Variants in SLC13A3 observed in about 807,000 individuals in gnomAD.
SLC13A3 encodes solute carrier family 13 member 3.
In SLC13A3, 40 loss-of-function variants were observed where a neutral mutation model predicts 59.0. The observed-to-expected ratio is 0.68, with a 90% CI of 0.53 to 0.88. The LOEUF is 0.88. Among genes scored for constraint, SLC13A3 ranks in the 40% least tolerant of loss-of-function variants. The pLI is 0.00. For missense variants in SLC13A3, 699 were observed against 783.2 expected, an observed-to-expected ratio of 0.89 and a Z score of 1.28; for synonymous variants, 317 against 330.3, an observed-to-expected ratio of 0.96 and a Z score of 0.44.
intron 10 of SLC13A3, among the ~76,000 whole-genome samples, chr20:46,572,121 C>T (rs943850577): frequency 6.6e-6 from 1 of 152,098 alleles, no homozygotes; most frequent in East Asian, 1.9e-4. Flanking sequence ...TGCTGAGGCT[C>T]AGAGTAAGCA....
intron 8 of SLC13A3, among the ~76,000 whole-genome samples, chr20:46,586,468 A>G (rs1351060111): frequency 6.6e-6 from 1 of 152,164 alleles, no homozygotes; most frequent in African/African-American, 2.4e-5. Context: ...AGCTGAGCCC[A>G]TTGATTCCTA....
At chr20:46,633,826 T>C (rs187260705) in intron 1 of SLC13A3, among the ~76,000 whole-genome samples, 198 of 152,346 alleles carry the variant, frequency 1.3e-3, no homozygotes, top group Non-Finnish European at 1.5e-4. Context: ...CAACTATCGA[T>C]TGAGGGCTTA....
intron 2 of SLC13A3, among the ~76,000 whole-genome samples, chr20:46,612,145 TTTG>T: frequency 6.8e-6 from 1 of 147,112 alleles, no homozygotes; most frequent in African/African-American, 2.5e-5. Context: ...TTTTTTTTTT[TTTG>T]AGACAGGGTC....
chr20:46,571,170 C>T (rs863673), intron 10 of SLC13A3, among the ~76,000 whole-genome samples: 105,330 of 152,032 alleles, frequency 0.69, 37,290 homozygotes, highest in Non-Finnish European at 0.78. Flanking sequence ...ACCGCCCCCA[C>T]GATTAAATTA....
At chr20:46,657,999 T>A (rs1266926150) in intron 1 of SLC13A3, among the ~76,000 whole-genome samples, 1 of 152,032 alleles carries the variant, frequency 6.6e-6, no homozygotes, top group Non-Finnish European at 1.5e-5. Flanking sequence ...ATCAAAACCA[T>A]CTCAGGGGGG....
At chr20:46,561,614 C>T (rs371230823) in intron 12 of SLC13A3, among the ~76,000 whole-genome samples, 11 of 151,324 alleles carry the variant, frequency 7.3e-5, no homozygotes, top group African/African-American at 2.2e-4. Context: ...TTGATGGATG[C>T]ACTGGAAACA....
chr20:46,625,320 C>A (rs1301310457), intron 1 of SLC13A3, among the ~76,000 whole-genome samples: 1 of 152,108 alleles, frequency 6.6e-6, no homozygotes, highest in Non-Finnish European at 1.5e-5. Context: ...TGAATTGAGA[C>A]CATGTTTGTG....
chr20:46,570,735 T>A lies in SLC13A3; in HGVS notation c.1333-4345A>T, dbSNP rs777980840. Among the ~76,000 whole-genome samples the A allele has an allele frequency of 4.6e-5, 7 of 152,284 alleles. No homozygotes were observed. The South Asian group carries it at 1.2e-3, about 27-fold the overall frequency. On this transcript the variant is annotated intron_variant, in intron 10 of 12. Coordinates refer to ENST00000279027, the MANE Select transcript of SLC13A3 (RefSeq NM_022829.6). ...CGAATCGTTGTGAAGTCAGGAACCA[T>A]CTGTACAATTATCTCCATTTTATGG...
rs140948936 is a variant in SLC13A3, at chr20:46,657,608, G to A, written c.-31+12435C>T. On this transcript the variant is annotated intron_variant, in intron 1 of 12. Transcript: ENST00000290317. ...TCATCCTCCATTAATATCTGAGGTG[G>A]GGGGAGTTGTTAGGCCGTTTCTGCA... Among the ~76,000 whole-genome samples the A allele has an allele frequency of 4.6e-5, 7 of 152,248 alleles. No individual in the cohort carries two copies. The East Asian group carries it at 9.7e-4, about 21-fold the overall frequency.
chr20:46,635,889 AATGCATTAGC>A (rs1351207567), intron 1 of SLC13A3, among the ~76,000 whole-genome samples: 1 of 152,204 alleles, frequency 6.6e-6, no homozygotes, highest in Non-Finnish European at 1.5e-5. Context: ...TGCTAATTCT[AATGCATTAGC>A]ATGCTAAAAG....
intron 1 of SLC13A3, among the ~76,000 whole-genome samples, chr20:46,632,909 A>ACAGATAGCTCTT (rs1470202390): frequency 0.11 from 4,877 of 45,126 alleles, 318 homozygotes; most frequent in Admixed American, 0.16. Context: ...AGATAGATAG[A>ACAGATAGCTCTT]TATATCTATC....
intron 6 of SLC13A3, 111 bp from the exon 7 acceptor site, chr20:46,589,366 GCAAC>G: frequency 1.3e-6 from 1 of 798,516 alleles, no homozygotes; most frequent in Non-Finnish European, 2.1e-6. Flanking sequence ...CCGGGAGGCT[GCAAC>G]TGCCTGATAG....
At chr20:46,585,753 AT>A (rs2062184692) in intron 8 of SLC13A3, 1 of 1,295,226 alleles carries the variant, frequency 7.7e-7, no homozygotes, top group Non-Finnish European at 1.0e-6. Flanking sequence ...TCTGAAAAAA[AT>A]AAAGCATCTA....
chr20:46,623,621 G>A (rs867170790), intron 1 of SLC13A3, among the ~76,000 whole-genome samples: 1 of 152,178 alleles, frequency 6.6e-6, no homozygotes, highest in African/African-American at 2.4e-5. Flanking sequence ...TGTGTCCCAG[G>A]TAATTCAGTC....
chr20:46,682,267 G>T (rs1428726214), intron 1 of SLC13A3: 1 of 152,214 alleles, frequency 6.6e-6, no homozygotes, highest in East Asian at 1.9e-4. Flanking sequence ...TGGAACCAGG[G>T]TCAGGAATAT....
At chr20:46,562,579 A>G (rs866413711) in intron 12 of SLC13A3, among the ~76,000 whole-genome samples, 3 of 152,136 alleles carry the variant, frequency 2.0e-5, no homozygotes, top group Admixed American at 2.0e-4. Flanking sequence ...AATTTAGGAA[A>G]ATCTGCTGAA....
intron 9 of SLC13A3, among the ~76,000 whole-genome samples, chr20:46,581,817 A>G (rs1434220043): frequency 6.6e-6 from 1 of 152,220 alleles, no homozygotes; most frequent in Non-Finnish European, 1.5e-5. Context: ...AGAAACCAGG[A>G]AAAGGTTAAG....
chr20:46,586,012 T>C (rs2062187109), intron 8 of SLC13A3, among the ~76,000 whole-genome samples: 1 of 152,142 alleles, frequency 6.6e-6, no homozygotes, highest in African/African-American at 2.4e-5. Context: ...GTGCTTTAAA[T>C]GTAAAGCACA....
chr20:46,596,965 G>T (rs1049999636), intron 4 of SLC13A3, among the ~76,000 whole-genome samples: 1 of 152,100 alleles, frequency 6.6e-6, no homozygotes, highest in Non-Finnish European at 1.5e-5. Flanking sequence ...AGGCAGGAGG[G>T]TTGATTGAGC....
Sources: gnomAD v4.1 joint callset for allele counts (sites outside exome capture counted in the v4.1 genomes callset) on GRCh38, gnomAD v4.1.1 for gene constraint, MANE v1.5 for transcripts, NCBI Gene and HGNC (gene_info 2026-07-23, HGNC 2026-07-21) for gene names.